FRMPD4: variants seen among roughly 807,000 people sequenced by gnomAD.
FRMPD4 encodes the protein FERM and PDZ domain containing 4.
A neutral mutation model predicts 94.1 loss-of-function variants in FRMPD4; 22 were observed. The observed-to-expected ratio is 0.23, with a 90% confidence interval of 0.17 to 0.33. FRMPD4 has a LOEUF of 0.33. Among genes scored for constraint, FRMPD4 ranks in the 10% least tolerant of loss-of-function variants. The pLI is 1.00. For missense variants in FRMPD4, 1,111 were observed against 1,339.9 expected (o/e 0.83, Z 2.67); for synonymous variants, 631 against 548.6 (o/e 1.15, Z -2.10).
intron 1 of FRMPD4, among the ~76,000 whole-genome samples, chrX:12,462,765 G>C (rs749880354): frequency 1.8e-5 from 2 of 112,076 alleles, no homozygotes; most frequent in Non-Finnish European, 3.8e-5. Flanking sequence ...GAGGTGGGAC[G>C]ATCACTTGAG....
chrX:12,283,044 A>G (rs1236802974), intron 1 of FRMPD4, among the ~76,000 whole-genome samples: 1 of 113,013 alleles, frequency 8.8e-6, no homozygotes, highest in Non-Finnish European at 1.9e-5. Context: ...GAAAGTTCCA[A>G]TGGACAGCGC....
intron 3 of FRMPD4, among the ~76,000 whole-genome samples, chrX:12,086,765 A>G (rs574149677): frequency 6.6e-4 from 74 of 111,975 alleles, no homozygotes; most frequent in African/African-American, 2.4e-3. Context: ...TCCAGTTTCC[A>G]TGGGTCAGAA....
At chrX:12,506,655 C>G (rs1002430027) in intron 2 of FRMPD4, among the ~76,000 whole-genome samples, 3 of 112,554 alleles carry the variant, frequency 2.7e-5, no homozygotes, top group Non-Finnish European at 3.8e-5. Flanking sequence ...TACTAATCAT[C>G]CTTGTATGAT....
chrX:11,894,880 G>A (rs1203290389), intron 3 of FRMPD4, among the ~76,000 whole-genome samples: 2 of 111,661 alleles, frequency 1.8e-5, no homozygotes, highest in African/African-American at 6.5e-5. Context: ...TAGAAGAGGG[G>A]ACAGACTGAA....
At chrX:12,513,700 G>T (rs1000455029) in intron 2 of FRMPD4, among the ~76,000 whole-genome samples, 3 of 112,013 alleles carry the variant, frequency 2.7e-5, no homozygotes, top group African/African-American at 9.7e-5. Flanking sequence ...GGCTATATGA[G>T]CTCCTTTTTG....
intron 1 of FRMPD4, among the ~76,000 whole-genome samples, chrX:12,490,436 C>T (rs771133676): frequency 7.2e-5 from 8 of 111,780 alleles, no homozygotes; most frequent in Non-Finnish European, 1.1e-4. Context: ...GTTTATTTTA[C>T]GTGTCAATAA....
At chrX:12,458,023 T>C (rs1313419625) in intron 1 of FRMPD4, among the ~76,000 whole-genome samples, 1 of 111,716 alleles carries the variant, frequency 9.0e-6, no homozygotes, top group Non-Finnish European at 1.9e-5. Context: ...ATTTGTACAA[T>C]GTAATTTATG....
rs778829630 is a variant in FRMPD4 at position 12,721,102 on chromosome X, G to A, written c.4533G>A (p.Gln1511=). The A allele has an allele frequency of 1.3e-4, 96 of 755,157 alleles. No homozygotes were observed. Among genetic ancestry groups the A allele is most frequent in the Non-Finnish European group, 1.5e-4 (94 of 639,694 alleles). The allele number at this position is 755,157 out of a possible 1,213,427, so 62.2% of individuals were successfully genotyped here. The change falls in exon 17 of 17, where the codon CAG becomes CAA. Residue 1511 remains glutamine, a synonymous_variant. Transcript: ENST00000675598. ...GCTATTGCTTCCTGAACCGAGGGCA[G>A]GATGAAGATGGTGAGGAAGAAGAGG... The part of the protein sequence containing the change: ...PFSYCFLNRG[Q]DEDGEEEEER...
intron 2 of FRMPD4, among the ~76,000 whole-genome samples, chrX:12,572,336 A>G (rs72612891): frequency 8.9e-6 from 1 of 112,335 alleles, no homozygotes; most frequent in East Asian, 2.8e-4. Context: ...CAGAGCTTCT[A>G]CTGTATAAAC....
intron 1 of FRMPD4, among the ~76,000 whole-genome samples, chrX:12,490,187 C>T (rs1358343509): frequency 9.0e-6 from 1 of 110,742 alleles, no homozygotes; most frequent in Non-Finnish European, 1.9e-5. Context: ...GCAAAATTTA[C>T]CTCTCACAGT....
At chrX:12,700,306 G>A (rs749281388) in intron 9 of FRMPD4, among the ~76,000 whole-genome samples, 1 of 112,247 alleles carries the variant, frequency 8.9e-6, no homozygotes, top group South Asian at 3.8e-4. Context: ...AAAGAATAAA[G>A]AAAAGGAGGA....
intron 2 of FRMPD4, among the ~76,000 whole-genome samples, chrX:12,585,165 A>G (rs2148384677): frequency 9.1e-6 from 1 of 109,691 alleles, no homozygotes; most frequent in South Asian, 4.0e-4. Flanking sequence ...TGATCTGCGC[A>G]CTTCGGCCTC....
At chrX:12,271,826 C>T (rs1211666786) in intron 1 of FRMPD4, among the ~76,000 whole-genome samples, 2 of 111,837 alleles carry the variant, frequency 1.8e-5, no homozygotes, top group Non-Finnish European at 3.8e-5. Flanking sequence ...CATCAGACTC[C>T]CCTGAGAATC....
intron 10 of FRMPD4, among the ~76,000 whole-genome samples, chrX:12,702,640 CA>C (rs760133142): frequency 1.3e-4 from 15 of 112,668 alleles, no homozygotes; most frequent in South Asian, 3.7e-4. Flanking sequence ...CTAAATTCCA[CA>C]ATGCCAGGTT....
At chrX:12,061,307 T>C (rs2147461055) in intron 3 of FRMPD4, among the ~76,000 whole-genome samples, 1 of 112,011 alleles carries the variant, frequency 8.9e-6, no homozygotes, top group South Asian at 3.8e-4. Flanking sequence ...AGAGAGGAAG[T>C]TACCCTTACA....
At chrX:11,892,957 G>GT (rs758592726) in intron 3 of FRMPD4, among the ~76,000 whole-genome samples, 1,467 of 111,992 alleles carry the variant, frequency 0.013, 7 homozygotes, top group South Asian at 0.019. Context: ...TACATCCTAG[G>GT]TTTTTTTATT....
intron 3 of FRMPD4, among the ~76,000 whole-genome samples, chrX:11,926,333 G>A (rs1335280603): frequency 9.7e-6 from 1 of 103,153 alleles, no homozygotes; most frequent in East Asian, 2.9e-4. Flanking sequence ...GTACAAAGAC[G>A]AGCTGGTACC....
At chrX:11,870,595 G>T (rs962670468) in intron 2 of FRMPD4, among the ~76,000 whole-genome samples, 5 of 111,314 alleles carry the variant, frequency 4.5e-5, no homozygotes, top group African/African-American at 9.8e-5. Flanking sequence ...GGGCCCTTTT[G>T]GGTCTTCATA....
intron 1 of FRMPD4, among the ~76,000 whole-genome samples, chrX:12,323,882 G>C (rs1471978645): frequency 1.8e-5 from 2 of 111,632 alleles, no homozygotes; most frequent in African/African-American, 6.5e-5. Flanking sequence ...GTTAGAGCAG[G>C]ATCGGTTGCT....
Sources: allele counts gnomAD v4.1 joint callset (sites outside exome capture counted in the v4.1 genomes callset), GRCh38; gene constraint gnomAD v4.1.1; transcripts MANE v1.5; gene names NCBI Gene and HGNC (gene_info 2026-07-23, HGNC 2026-07-21).